The following PLCXD3 variants were observed in gnomAD, a reference collection of about 807,000 sequenced individuals.
PLCXD3 encodes the protein phosphatidylinositol specific phospholipase C X domain containing 3, also known as PI-PLC X domain-containing protein 3.
Under a neutral mutation model 25.5 loss-of-function variants are expected in PLCXD3, and 19 were observed. That is an observed-to-expected ratio of 0.75 (90% CI 0.52 to 1.09). The LOEUF is 1.09. PLCXD3 is among the 50% of genes least tolerant of loss of function. The pLI is 0.00. For synonymous variants in PLCXD3, 174 were observed against 137.6 expected, an observed-to-expected ratio of 1.26 and a Z score of -1.85; for missense variants, 411 against 388.1, an observed-to-expected ratio of 1.06 and a Z score of -0.50.
chr5:41,508,518 C>A (rs1402044667), intron 1 of PLCXD3, among the ~76,000 whole-genome samples: 1 of 152,190 alleles, frequency 6.6e-6, no homozygotes, highest in Non-Finnish European at 1.5e-5. Flanking sequence ...GGTAATAGTG[C>A]CAGCACTCCC....
At chr5:41,394,556 T>C (rs1745937991) in intron 1 of PLCXD3, among the ~76,000 whole-genome samples, 2 of 152,102 alleles carry the variant, frequency 1.3e-5, no homozygotes, top group African/African-American at 2.4e-5. Flanking sequence ...TGTTGATCTG[T>C]TGCCTACAAG....
At chr5:41,496,019 C>T (rs2150527182) in intron 1 of PLCXD3, among the ~76,000 whole-genome samples, 1 of 152,034 alleles carries the variant, frequency 6.6e-6, no homozygotes, top group Admixed American at 6.5e-5. Context: ...CTTCATCAAA[C>T]AGAAAATATT....
chr5:41,428,533 A>G (rs1393571311), intron 1 of PLCXD3, among the ~76,000 whole-genome samples: 1 of 152,044 alleles, frequency 6.6e-6, no homozygotes, highest in African/African-American at 2.4e-5. Context: ...CAAGAAGAGA[A>G]GCCTCAGAAG....
chr5:41,489,006 T>C (rs1203450572), intron 1 of PLCXD3, among the ~76,000 whole-genome samples: 1 of 152,188 alleles, frequency 6.6e-6, no homozygotes, highest in African/African-American at 2.4e-5. Flanking sequence ...TCCTTGCCCA[T>C]GCCTATGTCC....
chr5:41,314,729 T>C (rs1393797816), intron 2 of PLCXD3, among the ~76,000 whole-genome samples: 1 of 151,974 alleles, frequency 6.6e-6, no homozygotes, highest in East Asian at 1.9e-4. Context: ...AAAATGAGGA[T>C]ACTGAGGAAA....
intron 1 of PLCXD3, among the ~76,000 whole-genome samples, chr5:41,396,192 A>G (rs1283713855): frequency 1.3e-5 from 2 of 152,110 alleles, no homozygotes; most frequent in Admixed American, 1.3e-4. Context: ...TTTAATTCCC[A>G]ATGTTAGGGG....
chr5:41,384,573 C>A (rs1381948706), intron 1 of PLCXD3, among the ~76,000 whole-genome samples: 3 of 151,142 alleles, frequency 2.0e-5, no homozygotes, highest in Non-Finnish European at 4.4e-5. Flanking sequence ...TGGAGGCAGG[C>A]AAAAAGGGAA....
At chr5:41,465,321 C>T (rs1747987810) in intron 1 of PLCXD3, among the ~76,000 whole-genome samples, 1 of 105,982 alleles carries the variant, frequency 9.4e-6, no homozygotes, top group African/African-American at 3.7e-5. Flanking sequence ...TGTCTCTAAT[C>T]TTCAGTTCCT....
chr5:41,362,696 A>G (rs1036213818), intron 2 of PLCXD3, among the ~76,000 whole-genome samples: 4 of 152,212 alleles, frequency 2.6e-5, no homozygotes, highest in African/African-American at 9.6e-5. Flanking sequence ...TAAGTTTTAA[A>G]TGTAGACATT....
At chr5:41,382,685 G>A (rs1279289062) in intron 1 of PLCXD3, 151 bp from the exon 2 acceptor site, 3 of 582,820 alleles carry the variant, frequency 5.1e-6, no homozygotes, top group Non-Finnish European at 8.6e-6. Flanking sequence ...GCCTTAGGAG[G>A]GTCCTTTATA....
At chr5:41,494,034 A>G (rs1437245346) in intron 1 of PLCXD3, among the ~76,000 whole-genome samples, 1 of 152,194 alleles carries the variant, frequency 6.6e-6, no homozygotes. Flanking sequence ...TGCGTTGCTC[A>G]CGCTGGGAGC....
chr5:41,379,239 G>C (rs1323038894), intron 2 of PLCXD3, among the ~76,000 whole-genome samples: 1 of 151,976 alleles, frequency 6.6e-6, no homozygotes, highest in African/African-American at 2.4e-5. Context: ...CAAAATCTGG[G>C]GACTCTGTGG....
intron 1 of PLCXD3, among the ~76,000 whole-genome samples, chr5:41,476,442 A>G (rs1270880078): frequency 1.3e-5 from 2 of 152,222 alleles, no homozygotes; most frequent in Non-Finnish European, 2.9e-5. Flanking sequence ...AATTTGATAC[A>G]TGCCAGGTAG....
chr5:41,323,903 A>G (rs1054564736), intron 2 of PLCXD3, among the ~76,000 whole-genome samples: 9 of 152,188 alleles, frequency 5.9e-5, no homozygotes, highest in Admixed American at 1.3e-4. Context: ...TCCAGCAAGC[A>G]TGATAAGTTC....
intron 1 of PLCXD3, among the ~76,000 whole-genome samples, chr5:41,397,744 C>T (rs1478409186): frequency 1.3e-5 from 2 of 152,212 alleles, no homozygotes; most frequent in African/African-American, 2.4e-5. Flanking sequence ...TCTGCAGAGT[C>T]ACAGATGTGG....
At chr5:41,375,457 C>G (rs1470631314) in intron 2 of PLCXD3, among the ~76,000 whole-genome samples, 1 of 152,086 alleles carries the variant, frequency 6.6e-6, no homozygotes, top group African/African-American at 2.4e-5. Context: ...TTCTCTGCTT[C>G]CAGTCAGCTC....
At chr5:41,480,394 T>G (rs970646568) in intron 1 of PLCXD3, among the ~76,000 whole-genome samples, 6 of 101,166 alleles carry the variant, frequency 5.9e-5, no homozygotes, top group Admixed American at 1.8e-4. Flanking sequence ...AACAAAGTTG[T>G]TTTTTTTTTT....
chr5:41,421,072 A>T (rs1239169236), intron 1 of PLCXD3, among the ~76,000 whole-genome samples: 1 of 152,202 alleles, frequency 6.6e-6, no homozygotes, highest in East Asian at 1.9e-4. Flanking sequence ...CTGATCTCTC[A>T]AGCCCTAAAG....
intron 1 of PLCXD3, among the ~76,000 whole-genome samples, chr5:41,454,954 C>A (rs610667): frequency 2.6e-5 from 4 of 151,848 alleles, no homozygotes; most frequent in Admixed American, 2.6e-4. Flanking sequence ...AAACAAGGCA[C>A]CTTCTTCACA....
Sources: gnomAD v4.1 joint callset for allele counts (sites outside exome capture counted in the v4.1 genomes callset) on GRCh38, gnomAD v4.1.1 for gene constraint, MANE v1.5 for transcripts, NCBI Gene and HGNC (gene_info 2026-07-23, HGNC 2026-07-21) for gene names.